The following CCDC144A variants were observed in gnomAD, a reference collection of about 807,000 sequenced individuals.
CCDC144A encodes the protein coiled-coil domain containing 144A.
A neutral mutation model predicts 143.8 loss-of-function variants in CCDC144A; 41 were observed. The ratio of observed to expected loss-of-function variants is 0.29; its 90% CI spans 0.22 to 0.37. CCDC144A has a LOEUF of 0.37. Ranked by LOEUF, CCDC144A falls within the 10% of genes least tolerant of loss-of-function variation. CCDC144A has a pLI of 1.00. For synonymous variants in CCDC144A, 242 were observed against 517.9 expected, an observed-to-expected ratio of 0.47 and a Z score of 7.23; for missense variants, 637 against 1,488.8, an observed-to-expected ratio of 0.43 and a Z score of 9.41.
chr17:16,740,821 G>C (rs1425389733), intron 12 of CCDC144A, among the ~76,000 whole-genome samples: 1 of 152,080 alleles, frequency 6.6e-6, no homozygotes, highest in African/African-American at 2.4e-5. Context: ...TCTGATTTTT[G>C]GTTATTAATC....
At chr17:16,677,292 G>A in the CCDC144A span, among the ~76,000 whole-genome samples, 30 of 152,136 alleles carry the variant, frequency 2.0e-4, no homozygotes, top group African/African-American at 7.0e-4. Flanking sequence ...CAAGTTATGC[G>A]GGCAAATGTA....
chr17:16,755,669 TG>T (rs1210639206), intron 12 of CCDC144A, among the ~76,000 whole-genome samples: 2 of 152,232 alleles, frequency 1.3e-5, no homozygotes, highest in Non-Finnish European at 2.9e-5. Context: ...AAGCAATTCT[TG>T]TGCCTCAGCC....
At chr17:16,720,273 A>G in intron 7 of CCDC144A, 42 bp downstream of exon 7, 2 of 1,519,552 alleles carry the variant, frequency 1.3e-6, no homozygotes, top group Non-Finnish European at 1.8e-6. Context: ...TGTTTTTAAA[A>G]AACAAGTTCT....
chr17:16,709,322 A>G lies in CCDC144A; in HGVS notation c.1265A>G (p.His422Arg). The change falls in exon 5 of 17, where the codon CAT becomes CGT. Residue 422 changes from histidine (H) to arginine (R), a missense_variant. By Grantham distance (29) the His-to-Arg change is conservative. Coordinates refer to ENST00000399273, the MANE Select transcript of CCDC144A (RefSeq NM_001382000.1). ...ATTTTTAGTACAGATAAGAACTTTCATAATGATGCAAGCACTAAGAAAGCA... is the reference window on the plus strand; with the variant it reads ...ATTTTTAGTACAGATAAGAACTTTCGTAATGATGCAAGCACTAAGAAAGCA... ...GHIFSTDKNF[H>R]NDASTKKARN... 6.2e-7 allele frequency: 1 copy of G among 1,611,578 alleles called. No homozygotes were observed. The highest frequency in any genetic ancestry group is 8.5e-7 in the Non-Finnish European group (1 of 1,179,532).
intron 12 of CCDC144A, among the ~76,000 whole-genome samples, chr17:16,748,884 T>C (rs1249766247): frequency 2.0e-5 from 3 of 152,178 alleles, no homozygotes; most frequent in African/African-American, 7.2e-5. Flanking sequence ...GTGTTCATTG[T>C]AGTCTCTGAG....
At position 16,747,345 on chromosome 17, in the gene CCDC144A, A is replaced by C. The variant is rs531054161; in HGVS notation, c.3372+11702A>C. Among the ~76,000 whole-genome samples the C allele has an allele frequency of 5.2e-3, 798 of 152,294 alleles. 6 individuals carry two copies. Among genetic ancestry groups the C allele is most frequent in the African/African-American group, 0.018 (759 of 41,546 alleles). On this transcript the variant is annotated intron_variant, in intron 12 of 16. Transcript: ENST00000399273. ...CTGTAGTATAGTTTGAAGTTGGGTA[A>C]TGTGATGCATCAGGCTTGGTTCTCT... is the stretch of plus-strand genomic sequence containing the variant.
intron 2 of CCDC144A, among the ~76,000 whole-genome samples, chr17:16,694,405 A>G (rs566425592): frequency 6.6e-6 from 1 of 152,228 alleles, no homozygotes; most frequent in South Asian, 2.1e-4. Context: ...ACATAGTGAG[A>G]CCACATCTCT....
rs751268620 is a variant in CCDC144A, at chr17:16,690,485, G to T, written c.85G>T (p.Val29Phe). 1 of 1,613,564 alleles carries T rather than the reference G, an allele frequency of 6.2e-7. No individual in the cohort carries two copies. The highest frequency in any genetic ancestry group is 2.2e-5 in the East Asian group (1 of 44,862). Residue 29 changes from valine to phenylalanine, a missense_variant, in exon 1 of 17, where the codon GTC becomes TTC. By Grantham distance (50) the Val-to-Phe change is conservative (BLOSUM62 -1). Coordinates refer to ENST00000399273, the MANE Select transcript of CCDC144A (RefSeq NM_001382000.1). ...CTACGCCACGAGGAAGACCCCTAGC[G>T]TCGGGAGCCAGGGGGACCAGTGGTA... ...AVYATRKTPS[V>F]GSQGDQWYLG...
intron 6 of CCDC144A, among the ~76,000 whole-genome samples, chr17:16,717,401 C>T (rs1237226017): frequency 6.6e-6 from 1 of 152,186 alleles, no homozygotes; most frequent in African/African-American, 2.4e-5. Flanking sequence ...TGAGCCACCA[C>T]ACCCAGCTGA....
In CCDC144A at chr17:16,776,558, T is replaced by A. The variant is rs1916008632; in HGVS notation, c.*2925T>A. ...ACTTTTGCACATTGATTTTGTATCC[T>A]GAGACTTTGTTGAAGTTGCTTATCA... is the stretch of plus-strand genomic sequence containing the variant. On this transcript the variant is annotated 3_prime_UTR_variant, in exon 17 of 17. Coordinates refer to ENST00000399273, the MANE Select transcript of CCDC144A (RefSeq NM_001382000.1). 6.6e-6 allele frequency: 1 copy of A among 152,228 alleles called. No individual in the cohort carries two copies. The highest frequency in any genetic ancestry group is 2.1e-4 in the South Asian group (1 of 4,832). 9.4% of individuals were successfully genotyped at this position (152,228 alleles called of 1,614,324 possible).
rs1186427680 is a variant in CCDC144A, at chr17:16,692,597, T to C, written c.345-382T>C. ...GTTTCTCTGAGCATTTACAAAACGTTTTCTTGTTAAATCTTTAACAACCTA... is the reference window on the plus strand; with the variant it reads ...GTTTCTCTGAGCATTTACAAAACGTCTTCTTGTTAAATCTTTAACAACCTA... On this transcript the variant is annotated intron_variant, in intron 1 of 16. Transcript: ENST00000399273. 2.6e-5 allele frequency among the ~76,000 whole-genome samples: 4 copies of C among 151,154 alleles called. No individual in the cohort carries two copies. In the East Asian group the frequency reaches 7.8e-4, roughly 29 times the overall value.
chr17:16,691,787 A>ACAAG (rs1418626650), intron 1 of CCDC144A: 3 of 152,548 alleles, frequency 2.0e-5, no homozygotes, highest in African/African-American at 7.2e-5. Context: ...AAACAAACAA[A>ACAAG]CAAACAAAAC....
At chr17:16,684,748 C>T (rs9896514), upstream of CCDC144A, among the ~76,000 whole-genome samples, 51,412 of 151,696 alleles carry the variant, frequency 0.34, 9,735 homozygotes, top group East Asian at 0.5. Context: ...CTGACTACTT[C>T]AGCCGAGAAG....
intron 12 of CCDC144A, among the ~76,000 whole-genome samples, chr17:16,738,811 G>A (rs1294741650): frequency 6.6e-6 from 1 of 152,098 alleles, no homozygotes; most frequent in Non-Finnish European, 1.5e-5. Flanking sequence ...ATATACATAT[G>A]AGTTGAATTT....
At chr17:16,702,384 T>C (rs559383878) in intron 2 of CCDC144A, among the ~76,000 whole-genome samples, 1 of 152,320 alleles carries the variant, frequency 6.6e-6, no homozygotes, top group South Asian at 2.1e-4. Flanking sequence ...GCCTTGTTTG[T>C]GCTAGGGAAA....
intron 16 of CCDC144A, chr17:16,772,852 G>GC (rs1915877115): frequency 9.1e-7 from 1 of 1,103,184 alleles, no homozygotes; most frequent in South Asian, 1.6e-5. Flanking sequence ...CTATTTGTCT[G>GC]CTTTTTCAGG....
At chr17:16,682,199 ATGGG>A in the CCDC144A span, among the ~76,000 whole-genome samples, 1 of 86,300 alleles carries the variant, frequency 1.2e-5, no homozygotes, top group Non-Finnish European at 2.2e-5. Flanking sequence ...AGATCTGAAA[ATGGG>A]TGTGTGTGTG....
chr17:16,768,839 T>C (rs1915713105), intron 15 of CCDC144A, among the ~76,000 whole-genome samples: 1 of 151,360 alleles, frequency 6.6e-6, no homozygotes, highest in East Asian at 1.9e-4. Flanking sequence ...GAGGTAGTTG[T>C]GAAGAATGTA....
At chr17:16,695,955 C>G (rs1173721349) in intron 2 of CCDC144A, among the ~76,000 whole-genome samples, 1 of 151,932 alleles carries the variant, frequency 6.6e-6, no homozygotes, top group Non-Finnish European at 1.5e-5. Flanking sequence ...TTCAGTTTTG[C>G]CAGTGCAAAA....
Sources: allele counts gnomAD v4.1 joint callset (sites outside exome capture counted in the v4.1 genomes callset), GRCh38; gene constraint gnomAD v4.1.1; transcripts MANE v1.5; gene names NCBI Gene and HGNC (gene_info 2026-07-23, HGNC 2026-07-21).